RBM19: variants seen among roughly 807,000 people sequenced by gnomAD.
The protein encoded by RBM19 is RNA binding motif protein 19.
A neutral mutation model predicts 116.8 loss-of-function variants in RBM19; 94 were observed. The ratio of observed to expected loss-of-function variants is 0.80; its 90% CI spans 0.68 to 0.95. The LOEUF is 0.95. Among genes scored for constraint, RBM19 ranks in the 40% least tolerant of loss-of-function variants. RBM19 has a pLI of 0.00. For synonymous variants in RBM19, 475 were observed against 494.1 expected (o/e 0.96, Z 0.51); for missense variants, 1,161 against 1,220.7 (o/e 0.95, Z 0.73).
intron 21 of RBM19, among the ~76,000 whole-genome samples, chr12:113,874,878 G>A (rs932807895): frequency 6.6e-6 from 1 of 152,208 alleles, no homozygotes; most frequent in Non-Finnish European, 1.5e-5. Flanking sequence ...AAGAGGGAGC[G>A]GGCATGGTCA....
intron 23 of RBM19, among the ~76,000 whole-genome samples, chr12:113,826,126 A>G (rs1874838245): frequency 6.6e-6 from 1 of 152,162 alleles, no homozygotes; most frequent in African/African-American, 2.4e-5. Flanking sequence ...GGAGCCACTC[A>G]GGGGCCTTAC....
intron 4 of RBM19, among the ~76,000 whole-genome samples, 153 bp downstream of exon 4, chr12:113,959,712 C>A (rs1346821219): frequency 1.3e-5 from 2 of 148,636 alleles, no homozygotes; most frequent in Admixed American, 1.4e-4. Context: ...AGTGTCCACC[C>A]TCTCCAGCCT....
intron 21 of RBM19, among the ~76,000 whole-genome samples, chr12:113,866,785 T>C (rs946888796): frequency 2.0e-5 from 3 of 152,226 alleles, no homozygotes; most frequent in South Asian, 2.1e-4. Context: ...CCAAGCTAGA[T>C]AGCCAGGTGG....
intron 21 of RBM19, among the ~76,000 whole-genome samples, chr12:113,859,978 G>A (rs1878234403): frequency 6.6e-6 from 1 of 152,230 alleles, no homozygotes. Context: ...AGCCCTGCCA[G>A]CATGACCAGG....
rs567483012 is a variant in RBM19, at chr12:113,959,496, C to T, written c.379-92G>A. 49 of 1,355,364 alleles carry T rather than the reference C, an allele frequency of 3.6e-5. No homozygotes were observed. In the African/African-American group the frequency reaches 5.8e-4, roughly 16 times the overall value. The allele number at this position is 1,355,364 out of a possible 1,614,324, so 84.0% of individuals were successfully genotyped here. ...CAGGTGGGGCTTGATCTTTCTAACT[C>T]TTAAGAGGGTGAGAAGATCCCTCAA... On this transcript the variant is annotated intron_variant, in intron 4 of 23. Transcript: ENST00000261741.
chr12:113,947,112 A>T (rs1871093329), intron 11 of RBM19, among the ~76,000 whole-genome samples: 1 of 152,244 alleles, frequency 6.6e-6, no homozygotes, highest in African/African-American at 2.4e-5. Flanking sequence ...ACAGAGGTGT[A>T]GGTGCCACAG....
chr12:113,848,592 C>T (rs1593478855), intron 22 of RBM19, among the ~76,000 whole-genome samples: 1 of 152,168 alleles, frequency 6.6e-6, no homozygotes, highest in South Asian at 2.1e-4. Context: ...TCTCAAGGGG[C>T]TTTTGGGTTG....
intron 23 of RBM19, among the ~76,000 whole-genome samples, chr12:113,838,486 G>A (rs1024322036): frequency 1.3e-4 from 20 of 152,224 alleles, no homozygotes; most frequent in African/African-American, 4.6e-4. Context: ...ATACTCCACA[G>A]GGTGAGCACA....
chr12:113,959,185 T>G, intron 5 of RBM19, 27 bp downstream of exon 5: 9 of 1,593,906 alleles, frequency 5.6e-6, no homozygotes, highest in Non-Finnish European at 7.7e-6. Flanking sequence ...TCCGTGCGCA[T>G]GGAGCACACA....
intron 21 of RBM19, among the ~76,000 whole-genome samples, chr12:113,886,590 C>T: frequency 6.6e-6 from 1 of 152,226 alleles, no homozygotes; most frequent in East Asian, 1.9e-4. Context: ...CTGCATAGTC[C>T]ACCATGGACC....
chr12:113,950,496 A>G (rs3816579), intron 8 of RBM19, among the ~76,000 whole-genome samples: 31,423 of 152,036 alleles, frequency 0.21, 4,137 homozygotes, highest in African/African-American at 0.36. Flanking sequence ...GCCTGTGGCT[A>G]CAGCATGAGG....
intron 21 of RBM19, among the ~76,000 whole-genome samples, chr12:113,872,623 G>C: frequency 1.2e-5 from 1 of 84,792 alleles, no homozygotes; most frequent in African/African-American, 4.2e-5. Flanking sequence ...GAGGTGAAGG[G>C]CGCCTCTGCC....
chr12:113,885,853 C>A (rs1880476346), intron 21 of RBM19, among the ~76,000 whole-genome samples: 2 of 149,212 alleles, frequency 1.3e-5, no homozygotes. Context: ...TTATATTGCT[C>A]CTCTCAGCTT....
intron 2 of RBM19, 120 bp from the exon 3 acceptor site, chr12:113,960,298 G>C (rs1872381891): frequency 6.6e-6 from 9 of 1,356,634 alleles, no homozygotes; most frequent in Non-Finnish European, 9.2e-6. Flanking sequence ...TGAGTTTGCT[G>C]AAGTAGATTA....
At chr12:113,922,460 T>A (rs1296883503) in intron 18 of RBM19, among the ~76,000 whole-genome samples, 1 of 152,090 alleles carries the variant, frequency 6.6e-6, no homozygotes, top group Non-Finnish European at 1.5e-5. Context: ...AGATAACCAC[T>A]TCTAAAACAT....
chr12:113,887,761 C>T (rs543671961), intron 21 of RBM19, among the ~76,000 whole-genome samples: 33 of 151,876 alleles, frequency 2.2e-4, no homozygotes, highest in African/African-American at 5.3e-4. Context: ...GCTCTGTCAC[C>T]CAGGCTGGAG....
intron 16 of RBM19, among the ~76,000 whole-genome samples, chr12:113,936,232 G>A (rs1237444286): frequency 6.6e-6 from 1 of 152,158 alleles, no homozygotes; most frequent in Non-Finnish European, 1.5e-5. Flanking sequence ...GTGTATAGGT[G>A]AGTGGTTATT....
At chr12:113,960,300 A>G in intron 2 of RBM19, 122 bp from the exon 3 acceptor site, 1 of 1,317,394 alleles carries the variant, frequency 7.6e-7, no homozygotes, top group Non-Finnish European at 1.1e-6. Context: ...AGTTTGCTGA[A>G]GTAGATTACA....
chr12:113,950,197 A>G, intron 8 of RBM19, 43 bp from the exon 9 acceptor site: 1 of 1,505,532 alleles, frequency 6.6e-7, no homozygotes, highest in African/African-American at 1.4e-5. Flanking sequence ...CAGGCCTTGC[A>G]GACACTTGTG....
Sources: allele counts gnomAD v4.1 joint callset (sites outside exome capture counted in the v4.1 genomes callset), GRCh38; gene constraint gnomAD v4.1.1; transcripts MANE v1.5; gene names NCBI Gene and HGNC (gene_info 2026-07-23, HGNC 2026-07-21).